The following REDIC1 variants were observed in gnomAD, a reference collection of about 807,000 sequenced individuals.
The protein encoded by REDIC1 is regulator of DNA class I crossover intermediates 1, also known as HEI10 Interacting Protein 1.
At chr12:39,730,565 A>T in the REDIC1 span, among the ~76,000 whole-genome samples, 1 of 152,280 alleles carries the variant, frequency 6.6e-6, no homozygotes, top group Middle Eastern at 3.4e-3. Flanking sequence ...GAGTAACCTG[A>T]CCTTTCTCTC....
At chr12:39,635,635 G>A in the REDIC1 span, among the ~76,000 whole-genome samples, 7 of 149,258 alleles carry the variant, frequency 4.7e-5, no homozygotes, top group Admixed American at 1.4e-4. Flanking sequence ...ACACACTGGG[G>A]CCTGTTGGTG....
At chr12:39,731,401 A>T in the REDIC1 span, among the ~76,000 whole-genome samples, 3 of 152,192 alleles carry the variant, frequency 2.0e-5, no homozygotes, top group African/African-American at 7.2e-5. Context: ...TCCTTCTAAC[A>T]GGCCCCTCTG....
At chr12:39,823,776 T>C in the REDIC1 span, among the ~76,000 whole-genome samples, 2 of 152,230 alleles carry the variant, frequency 1.3e-5, no homozygotes, top group Non-Finnish European at 2.9e-5. Flanking sequence ...AGAAGTGTTT[T>C]TCACAAAGTA....
chr12:39,894,677 C>A, the REDIC1 span, among the ~76,000 whole-genome samples: 2 of 152,172 alleles, frequency 1.3e-5, no homozygotes, highest in African/African-American at 4.8e-5. Flanking sequence ...TCAGGGCCAA[C>A]AGCTAAAGCA....
chr12:39,826,170 C>A, the REDIC1 span, among the ~76,000 whole-genome samples: 1 of 151,958 alleles, frequency 6.6e-6, no homozygotes, highest in East Asian at 1.9e-4. Flanking sequence ...TCCATGTTTT[C>A]TTAAAAAGAA....
chr12:39,834,188 ATC>A, the REDIC1 span, among the ~76,000 whole-genome samples: 1 of 152,036 alleles, frequency 6.6e-6, no homozygotes. Context: ...TCTCTTGTTA[ATC>A]TCTCTTTTGT....
the REDIC1 span, among the ~76,000 whole-genome samples, chr12:39,827,967 T>C: frequency 5.9e-5 from 9 of 152,242 alleles, no homozygotes; most frequent in African/African-American, 1.9e-4. Context: ...CTAGAGATAG[T>C]ATATCTCTAG....
chr12:39,671,249 T>G, the REDIC1 span, among the ~76,000 whole-genome samples: 72 of 152,358 alleles, frequency 4.7e-4, no homozygotes, highest in African/African-American at 1.5e-3. Context: ...ACTTGGATTT[T>G]GATTCTGGAT....
chr12:39,861,903 G>A, the REDIC1 span, among the ~76,000 whole-genome samples: 6 of 152,054 alleles, frequency 3.9e-5, no homozygotes, highest in African/African-American at 1.4e-4. Flanking sequence ...CAGGATACAT[G>A]TGCAGGACGT....
chr12:39,780,369 G>A, the REDIC1 span, among the ~76,000 whole-genome samples: 1 of 152,136 alleles, frequency 6.6e-6, no homozygotes, highest in African/African-American at 2.4e-5. Context: ...GAATTTGAAT[G>A]GAAAAAGAGA....
chr12:39,896,538 ATGTATGTG>A, the REDIC1 span, among the ~76,000 whole-genome samples: 1,144 of 145,538 alleles, frequency 7.9e-3, 44 homozygotes, highest in African/African-American at 0.027. Context: ...ACATGTATGT[ATGTATGTG>A]TGTATACATG....
the REDIC1 span, among the ~76,000 whole-genome samples, chr12:39,735,811 A>G: frequency 0.21 from 31,538 of 152,188 alleles, 3,996 homozygotes; most frequent in East Asian, 0.38. Flanking sequence ...GAATGTCAAC[A>G]TGCTTTCCTA....
the REDIC1 span, among the ~76,000 whole-genome samples, chr12:39,714,032 TACATGTATATAC>T: frequency 4.1e-5 from 6 of 147,506 alleles, no homozygotes; most frequent in African/African-American, 7.4e-5. Flanking sequence ...TAAGTATATA[TACATGTATATAC>T]ACATGTATAT....
chr12:39,735,919 T>C, the REDIC1 span, among the ~76,000 whole-genome samples: 1 of 152,214 alleles, frequency 6.6e-6, no homozygotes, highest in African/African-American at 2.4e-5. Flanking sequence ...GTATGATTCA[T>C]AGGAGACCCA....
chr12:39,635,408 G>A, the REDIC1 span, among the ~76,000 whole-genome samples: 8 of 152,166 alleles, frequency 5.3e-5, no homozygotes, highest in African/African-American at 1.9e-4. Context: ...GTCCATCAAT[G>A]GTAGACTGAA....
the REDIC1 span, among the ~76,000 whole-genome samples, chr12:39,896,472 ATGTATATG>A: frequency 2.0e-5 from 3 of 146,374 alleles, no homozygotes; most frequent in African/African-American, 7.6e-5. Flanking sequence ...GTATACATAT[ATGTATATG>A]TGTATATATG....
At chr12:39,894,056 T>C in the REDIC1 span, among the ~76,000 whole-genome samples, 1 of 152,216 alleles carries the variant, frequency 6.6e-6, no homozygotes. Context: ...GTTAGTACAT[T>C]AATGTTCAAT....
chr12:39,773,877 A>G, the REDIC1 span, among the ~76,000 whole-genome samples: 2 of 152,230 alleles, frequency 1.3e-5, no homozygotes, highest in African/African-American at 4.8e-5. Context: ...AGAGCTTACT[A>G]CAGTTCGTGT....
chr12:39,813,714 A>G, the REDIC1 span, among the ~76,000 whole-genome samples: 1 of 152,176 alleles, frequency 6.6e-6, no homozygotes, highest in Non-Finnish European at 1.5e-5. Context: ...TGGGGGATGA[A>G]GAAGCTTCAG....
Sources: gnomAD v4.1 joint callset for allele counts (sites outside exome capture counted in the v4.1 genomes callset) on GRCh38, gnomAD v4.1.1 for gene constraint, MANE v1.5 for transcripts, NCBI Gene and HGNC (gene_info 2026-07-23, HGNC 2026-07-21) for gene names.